PTPRT: variants seen among roughly 807,000 people sequenced by gnomAD.
PTPRT encodes the protein receptor-type tyrosine-protein phosphatase T.
PTPRT carries 56 observed loss-of-function variants against 176.8 expected under a neutral mutation model. The observed-to-expected ratio is 0.32, with a 90% CI of 0.26 to 0.40. PTPRT has a LOEUF of 0.40. Among genes scored for constraint, PTPRT ranks in the 10% least tolerant of loss-of-function variants. PTPRT has a pLI of 1.00. For synonymous variants in PTPRT, 783 were observed against 739.0 expected, an observed-to-expected ratio of 1.06 and a Z score of -0.96; for missense variants, 1,540 against 1,908.2, an observed-to-expected ratio of 0.81 and a Z score of 3.60.
chr20:43,043,305 T>C (rs1349745817), intron 1 of PTPRT, among the ~76,000 whole-genome samples: 1 of 150,588 alleles, frequency 6.6e-6, no homozygotes, highest in Non-Finnish European at 1.5e-5. Context: ...TTAATTTCAG[T>C]ACAAAAGGTA....
rs371284164 is a variant in PTPRT at position 42,838,706 on chromosome 20, C to T, written c.214+47101G>A. On this transcript the variant is annotated intron_variant, in intron 2 of 30. Coordinates refer to ENST00000373187, the MANE Select transcript of PTPRT (RefSeq NM_007050.6). ...CCTGATTTTAAACCTGATATGGGTG[C>T]CCACTTCTCTGTGGAGGGTATCTCC... 1.5e-4 allele frequency among the ~76,000 whole-genome samples: 23 copies of T among 152,320 alleles called. No homozygotes were observed. The East Asian group carries it at 2.9e-3, about 19-fold the overall frequency.
At chr20:42,829,381 C>T (rs185124740) in intron 2 of PTPRT, among the ~76,000 whole-genome samples, 21 of 152,270 alleles carry the variant, frequency 1.4e-4, no homozygotes. Flanking sequence ...AAACTCTGGA[C>T]TTGGACTATT....
At chr20:42,784,655 A>G (rs2077262713) in intron 3 of PTPRT, among the ~76,000 whole-genome samples, 1 of 152,158 alleles carries the variant, frequency 6.6e-6, no homozygotes, top group South Asian at 2.1e-4. Flanking sequence ...ACCGTTTTCC[A>G]GGGAAAGGGA....
chr20:42,086,753 A>AAAT (rs1983991312), intron 27 of PTPRT, among the ~76,000 whole-genome samples: 7 of 95,526 alleles, frequency 7.3e-5, no homozygotes, highest in South Asian at 3.8e-4. Flanking sequence ...AAAAAAAAAA[A>AAAT]ATATATATAT....
chr20:42,863,199 G>A (rs941238338), intron 2 of PTPRT, among the ~76,000 whole-genome samples: 7 of 152,218 alleles, frequency 4.6e-5, no homozygotes, highest in Non-Finnish European at 1.0e-4. Flanking sequence ...CTCTAGCAAA[G>A]CGTGAGGTCT....
At chr20:42,139,675 T>G (rs974272988) in intron 18 of PTPRT, among the ~76,000 whole-genome samples, 1 of 152,236 alleles carries the variant, frequency 6.6e-6, no homozygotes, top group Non-Finnish European at 1.5e-5. Flanking sequence ...GTCTAAGAGA[T>G]GCAGGCAGGG....
At chr20:42,535,789 G>A (rs542823154) in intron 7 of PTPRT, among the ~76,000 whole-genome samples, 1 of 152,184 alleles carries the variant, frequency 6.6e-6, no homozygotes, top group South Asian at 2.1e-4. Flanking sequence ...CCTGTGGCAG[G>A]GCAAAGTTTG....
chr20:42,966,816 G>T (rs891322096), intron 1 of PTPRT, among the ~76,000 whole-genome samples: 1 of 152,202 alleles, frequency 6.6e-6, no homozygotes, highest in East Asian at 1.9e-4. Flanking sequence ...AAATCAAGGA[G>T]AAATTTCTTC....
chr20:43,041,546 C>T (rs991531272), intron 1 of PTPRT, among the ~76,000 whole-genome samples: 1 of 152,176 alleles, frequency 6.6e-6, no homozygotes, highest in Non-Finnish European at 1.5e-5. Flanking sequence ...CCTATAAGAG[C>T]CTTGCCAGCC....
intron 19 of PTPRT, among the ~76,000 whole-genome samples, chr20:42,125,734 C>T (rs1016059988): frequency 7.2e-5 from 11 of 152,176 alleles, no homozygotes; most frequent in Non-Finnish European, 1.3e-4. Context: ...CGTTTGTTGC[C>T]TATAAAATAC....
At chr20:43,098,878 C>G (rs1004055347) in intron 1 of PTPRT, among the ~76,000 whole-genome samples, 3 of 152,120 alleles carry the variant, frequency 2.0e-5, no homozygotes, top group Non-Finnish European at 4.4e-5. Flanking sequence ...ATTTTGATTC[C>G]TTTCCCCTCT....
intron 1 of PTPRT, among the ~76,000 whole-genome samples, chr20:43,011,024 G>A (rs1985089807): frequency 6.6e-6 from 1 of 152,156 alleles, no homozygotes; most frequent in Non-Finnish European, 1.5e-5. Context: ...CAGGCCTTGA[G>A]AGTTAAGAAA....
At chr20:42,152,425 G>C (rs1989176627) in intron 17 of PTPRT, among the ~76,000 whole-genome samples, 2 of 152,218 alleles carry the variant, frequency 1.3e-5, no homozygotes, top group South Asian at 4.1e-4. Flanking sequence ...AAGCTAAGTA[G>C]AAAATCAGAT....
At chr20:42,218,126 G>A (rs1006979033) in intron 15 of PTPRT, among the ~76,000 whole-genome samples, 1 of 152,124 alleles carries the variant, frequency 6.6e-6, no homozygotes, top group Admixed American at 6.5e-5. Flanking sequence ...TAACAATAGG[G>A]AACTGGTTCA....
At chr20:42,816,658 C>T (rs2077792019) in intron 2 of PTPRT, among the ~76,000 whole-genome samples, 1 of 152,086 alleles carries the variant, frequency 6.6e-6, no homozygotes, top group African/African-American at 2.4e-5. Context: ...AGTCACACTC[C>T]CTCATGCTGC....
At chr20:42,935,310 C>A (rs903734168) in intron 1 of PTPRT, among the ~76,000 whole-genome samples, 2 of 151,650 alleles carry the variant, frequency 1.3e-5, no homozygotes, top group Admixed American at 1.3e-4. Flanking sequence ...CGGCTAATTT[C>A]TAAATTTTTT....
intron 26 of PTPRT, among the ~76,000 whole-genome samples, chr20:42,101,008 G>C (rs1985883072): frequency 6.6e-6 from 1 of 152,234 alleles, no homozygotes; most frequent in Non-Finnish European, 1.5e-5. Flanking sequence ...AAGAGGATTA[G>C]AGGTCAGAGA....
intron 6 of PTPRT, among the ~76,000 whole-genome samples, chr20:42,719,562 C>T (rs2146225744): frequency 6.6e-6 from 1 of 152,246 alleles, no homozygotes; most frequent in South Asian, 2.1e-4. Flanking sequence ...CCCTCTGAGC[C>T]TCATTTTTTT....
intron 7 of PTPRT, among the ~76,000 whole-genome samples, chr20:42,649,280 G>A (rs892396603): frequency 1.3e-5 from 2 of 152,102 alleles, no homozygotes; most frequent in Non-Finnish European, 2.9e-5. Flanking sequence ...ATCAGATCTC[G>A]TGAGGCTTAT....
Sources: allele counts gnomAD v4.1 joint callset (sites outside exome capture counted in the v4.1 genomes callset), GRCh38; gene constraint gnomAD v4.1.1; transcripts MANE v1.5; gene names NCBI Gene and HGNC (gene_info 2026-07-23, HGNC 2026-07-21).